The following GABRB1 variants were observed in gnomAD, a reference collection of about 807,000 sequenced individuals.
GABRB1 encodes the protein gamma-aminobutyric acid type A receptor subunit beta1, also known as gamma-aminobutyric acid receptor subunit beta-1.
GABRB1 carries 17 observed loss-of-function variants against 51.6 expected under a neutral mutation model. That is an observed-to-expected ratio of 0.33 (90% CI 0.23 to 0.49). The LOEUF is 0.49. Among genes scored for constraint, GABRB1 ranks in the 20% least tolerant of loss-of-function variants. GABRB1 has a pLI of 0.99. For synonymous variants in GABRB1, 247 were observed against 218.9 expected (o/e 1.13, Z -1.14); for missense variants, 410 against 600.6 (o/e 0.68, Z 3.32).
intron 3 of GABRB1, among the ~76,000 whole-genome samples, chr4:47,154,673 G>A (rs1717613950): frequency 6.6e-6 from 1 of 152,070 alleles, no homozygotes; most frequent in African/African-American, 2.4e-5. Flanking sequence ...CACAAGGAAA[G>A]TGGAATTTGG....
intron 8 of GABRB1, among the ~76,000 whole-genome samples, chr4:47,409,099 C>T (rs896315986): frequency 4.1e-4 from 63 of 152,178 alleles, no homozygotes; most frequent in African/African-American, 1.4e-3. Flanking sequence ...AGCATGCAGA[C>T]GGGCAGGTGT....
chr4:47,400,180 C>G (rs888096446), intron 5 of GABRB1, among the ~76,000 whole-genome samples: 23 of 152,032 alleles, frequency 1.5e-4, no homozygotes, highest in Admixed American at 1.3e-3. Flanking sequence ...TTCAATTTAT[C>G]TAAGACATTT....
intron 8 of GABRB1, 72 bp downstream of exon 8, chr4:47,406,998 A>C (rs1166808231): frequency 1.4e-6 from 2 of 1,408,146 alleles, no homozygotes; most frequent in Admixed American, 4.3e-5. Flanking sequence ...GGCTCTCATA[A>C]CTTAAAAACG....
At chr4:47,093,653 T>A (rs948792625) in intron 3 of GABRB1, among the ~76,000 whole-genome samples, 4 of 152,178 alleles carry the variant, frequency 2.6e-5, no homozygotes, top group African/African-American at 4.8e-5. Context: ...AATCTAAGAC[T>A]CAAAAATAAG....
chr4:47,140,615 A>G (rs542598690), intron 3 of GABRB1, among the ~76,000 whole-genome samples: 1 of 151,972 alleles, frequency 6.6e-6, no homozygotes, highest in African/African-American at 2.4e-5. Context: ...ACCGTGAGCT[A>G]CTTAGCTCCA....
intron 4 of GABRB1, among the ~76,000 whole-genome samples, chr4:47,218,723 T>C (rs1720652003): frequency 6.6e-6 from 1 of 151,832 alleles, no homozygotes; most frequent in Admixed American, 6.6e-5. Flanking sequence ...TTATTCATTT[T>C]TGAATCTCTC....
intron 4 of GABRB1, among the ~76,000 whole-genome samples, chr4:47,165,158 T>C (rs7691424): frequency 0.17 from 25,532 of 151,962 alleles, 3,102 homozygotes; most frequent in African/African-American, 0.34. Context: ...ATCACCTCCG[T>C]CTATGTCACT....
intron 4 of GABRB1, among the ~76,000 whole-genome samples, chr4:47,246,917 A>G (rs1232882908): frequency 2.6e-5 from 4 of 151,770 alleles, no homozygotes; most frequent in Non-Finnish European, 5.9e-5. Flanking sequence ...TAGATTCTGG[A>G]TATTAGTCCT....
chr4:47,197,235 G>A (rs1356090903), intron 4 of GABRB1, among the ~76,000 whole-genome samples: 5 of 152,190 alleles, frequency 3.3e-5, no homozygotes, highest in African/African-American at 7.2e-5. Flanking sequence ...TGATTGCAAA[G>A]CCTAGAACTT....
At chr4:47,081,643 A>G (rs891542829) in intron 3 of GABRB1, among the ~76,000 whole-genome samples, 1 of 152,104 alleles carries the variant, frequency 6.6e-6, no homozygotes, top group Non-Finnish European at 1.5e-5. Flanking sequence ...GTTCATCTTA[A>G]TGTGCCCAAG....
chr4:47,161,072 C>T (rs1234040359), intron 3 of GABRB1, among the ~76,000 whole-genome samples, 177 bp from the exon 4 acceptor site: 1 of 151,982 alleles, frequency 6.6e-6, no homozygotes, highest in Non-Finnish European at 1.5e-5. Flanking sequence ...GAATTACAGA[C>T]ATGATCCACA....
rs1018015004 is a variant in GABRB1, at chr4:47,350,204, T to G, written c.544+29995T>G. 3.9e-3 allele frequency among the ~76,000 whole-genome samples: 368 copies of G among 93,216 alleles called. 2 individuals are homozygous for G. The highest frequency in any genetic ancestry group is 8.4e-3 in the South Asian group (22 of 2,618). The allele number at this position is 93,216 out of a possible 152,430, so 61.2% of individuals were successfully genotyped here. A position where few individuals can be genotyped will look rare whatever the true frequency, so the allele number is the denominator to read the frequency against. ...CAGATTATATATATATATATATATA[T>G]ATATATATATATATAGAGAGAGAGA... On this transcript the variant is annotated intron_variant, in intron 5 of 8. Coordinates refer to ENST00000295454, the MANE Select transcript of GABRB1 (RefSeq NM_000812.4).
intron 4 of GABRB1, among the ~76,000 whole-genome samples, chr4:47,270,914 C>A (rs1177867854): frequency 6.6e-6 from 1 of 152,154 alleles, no homozygotes; most frequent in Non-Finnish European, 1.5e-5. Flanking sequence ...TGTATTTAGT[C>A]TCAGCAGGTT....
At chr4:47,369,113 A>T (rs76620670) in intron 5 of GABRB1, among the ~76,000 whole-genome samples, 1 of 149,768 alleles carries the variant, frequency 6.7e-6, no homozygotes, top group Non-Finnish European at 1.5e-5. Context: ...GTCTCAATTT[A>T]AAAAAATTTT....
chr4:47,061,291 A>T (rs533179304), intron 3 of GABRB1, among the ~76,000 whole-genome samples: 7 of 152,210 alleles, frequency 4.6e-5, no homozygotes, highest in Middle Eastern at 3.4e-3. Context: ...TGTGCTTTTT[A>T]AAAAAATTGG....
intron 4 of GABRB1, among the ~76,000 whole-genome samples, chr4:47,289,467 C>A (rs1271598582): frequency 6.6e-6 from 1 of 152,128 alleles, no homozygotes; most frequent in Non-Finnish European, 1.5e-5. Context: ...TGATGTGAAC[C>A]TACACCCATT....
At chr4:47,076,774 C>A (rs1190317701) in intron 3 of GABRB1, among the ~76,000 whole-genome samples, 2 of 152,226 alleles carry the variant, frequency 1.3e-5, no homozygotes, top group South Asian at 2.1e-4. Flanking sequence ...AGACAACATA[C>A]TTGATTAGCC....
intron 4 of GABRB1, among the ~76,000 whole-genome samples, chr4:47,187,724 A>G (rs1447988133): frequency 1.3e-5 from 2 of 151,954 alleles, no homozygotes; most frequent in South Asian, 2.1e-4. Flanking sequence ...CCAAAATGAG[A>G]CACCACATTG....
rs1278288097 is a variant in GABRB1, at chr4:47,123,914, A to G, written c.241-37335A>G. 8.3e-4 allele frequency among the ~76,000 whole-genome samples: 82 copies of G among 98,558 alleles called. 1 individual carries two copies. The highest frequency in any genetic ancestry group is 2.4e-3 in the South Asian group (9 of 3,776). The allele number at this position is 98,558 out of a possible 152,430, so 64.7% of individuals were successfully genotyped here. ...ATAATATATAATATATTATATATTA[A>G]TATATGATATATAATATATTATATA... On this transcript the variant is annotated intron_variant, in intron 3 of 8. Coordinates refer to ENST00000295454, the MANE Select transcript of GABRB1 (RefSeq NM_000812.4).
Sources: gnomAD v4.1 joint callset for allele counts (sites outside exome capture counted in the v4.1 genomes callset) on GRCh38, gnomAD v4.1.1 for gene constraint, MANE v1.5 for transcripts, NCBI Gene and HGNC (gene_info 2026-07-23, HGNC 2026-07-21) for gene names.